The following HEY2 variants were observed in gnomAD, a reference collection of about 807,000 sequenced individuals.
The protein encoded by HEY2 is hes related family bHLH transcription factor with YRPW motif 2.
A neutral mutation model predicts 18.1 loss-of-function variants in HEY2; 10 were observed. That is an observed-to-expected ratio of 0.55 (90% confidence interval 0.34 to 0.94). The LOEUF is 0.94. HEY2 is among the 40% of genes least tolerant of loss of function. HEY2 has a pLI of 0.02. For missense variants in HEY2, 455 were observed against 455.9 expected (o/e 1.00, Z 0.02); for synonymous variants, 210 against 182.7 (o/e 1.15, Z -1.21).
intron 1 of HEY2, among the ~76,000 whole-genome samples, chr6:125,751,225 AT>A (rs1399293264): frequency 1.3e-5 from 2 of 152,244 alleles, no homozygotes; most frequent in Non-Finnish European, 2.9e-5. Flanking sequence ...GAAGATTAGT[AT>A]GCAAAACATC....
intron 4 of HEY2, among the ~76,000 whole-genome samples, chr6:125,757,200 C>T (rs923201672): frequency 4.6e-5 from 7 of 152,196 alleles, no homozygotes; most frequent in African/African-American, 1.7e-4. Flanking sequence ...TTTCTGGACT[C>T]TGTCTATTCT....
intron 3 of HEY2, among the ~76,000 whole-genome samples, chr6:125,752,376 A>G (rs1379785997): frequency 6.6e-6 from 1 of 151,304 alleles, no homozygotes; most frequent in Non-Finnish European, 1.5e-5. Context: ...TGTTCTTTCT[A>G]TGAATACCAG....
chr6:125,758,925 T>C (rs1002270450), intron 4 of HEY2, among the ~76,000 whole-genome samples, 192 bp from the exon 5 acceptor site: 1 of 152,226 alleles, frequency 6.6e-6, no homozygotes, highest in Non-Finnish European at 1.5e-5. Context: ...AAGTATACTT[T>C]CTTAACTTCT....
chr6:125,755,805 C>G (rs1319720420), intron 4 of HEY2, among the ~76,000 whole-genome samples: 1 of 152,170 alleles, frequency 6.6e-6, no homozygotes, highest in Non-Finnish European at 1.5e-5. Context: ...ATCACAGAAG[C>G]CAATGATCCA....
chr6:125,759,506 A>G lies in HEY2; in HGVS notation c.718A>G (p.Met240Val), dbSNP rs1222031723. The G allele has an allele frequency of 1.2e-6, 2 of 1,611,036 alleles. No homozygotes were observed. Among genetic ancestry groups the G allele is most frequent in the African/African-American group, 2.7e-5 (2 of 74,874 alleles). ...TGCCCATGCGGATTCAGCCCTCCGAATGCCATCCACGGGCAGCGTCGCCCC... is the reference window on the plus strand; with the variant it reads ...TGCCCATGCGGATTCAGCCCTCCGAGTGCCATCCACGGGCAGCGTCGCCCC... ...TFAHADSALR[M>V]PSTGSVAPCV... Residue 240 changes from methionine to valine, a missense_variant, in exon 5 of 5, where the codon ATG (methionine) becomes GTG (valine). By Grantham distance (21) the Met-to-Val change is conservative. Transcript: ENST00000368364.
chr6:125,749,822 G>GA lies in HEY2; in HGVS notation c.47dup (p.Thr17AspfsTer16). ...GACGACCTCCGAGAGCGACATGGACGAGACCATCGACGTGGGGAGCGAGAA... is the reference window on the plus strand; with the variant it reads ...GACGACCTCCGAGAGCGACATGGACGAAGACCATCGACGTGGGGAGCGAGAA... On this transcript the variant is annotated frameshift_variant, in exon 1 of 5. Transcript: ENST00000368364. LOFTEE classifies it high-confidence loss of function. 6.3e-7 allele frequency: 1 copy of GA among 1,586,280 alleles called. No individual in the cohort carries two copies. The highest frequency in any genetic ancestry group is 8.6e-7 in the Non-Finnish European group (1 of 1,166,848).
chr6:125,753,546 T>TAA (rs1225550564), intron 3 of HEY2, among the ~76,000 whole-genome samples: 2 of 152,000 alleles, frequency 1.3e-5, no homozygotes, highest in East Asian at 3.9e-4. Flanking sequence ...GGACCTGAAA[T>TAA]AAACCTTAGT....
chr6:125,751,172 G>A (rs371681530), intron 1 of HEY2, among the ~76,000 whole-genome samples: 180 of 152,254 alleles, frequency 1.2e-3, no homozygotes, highest in African/African-American at 4.3e-3. Flanking sequence ...AATAAAATGA[G>A]TTTTAATTTT....
intron 1 of HEY2, 97 bp downstream of exon 1, chr6:125,749,956 A>G: frequency 9.6e-7 from 1 of 1,039,194 alleles, no homozygotes; most frequent in East Asian, 2.6e-5. Flanking sequence ...TGGTCTCCGC[A>G]GCATCTAGGT....
chr6:125,752,112 A>AAAACC, intron 3 of HEY2, 22 bp downstream of exon 3: 1 of 1,488,872 alleles, frequency 6.7e-7, no homozygotes, highest in South Asian at 1.2e-5. Flanking sequence ...CCTCCCCAGA[A>AAAACC]TCCCCCCACC....
chr6:125,754,581 CT>C, intron 4 of HEY2, 35 bp downstream of exon 4: 19 of 1,022,880 alleles, frequency 1.9e-5, no homozygotes, highest in South Asian at 3.3e-5. Flanking sequence ...TTTTTTTTGC[CT>C]TTTTTACCTT....
rs377597491 is a variant in HEY2 at position 125,751,925 on chromosome 6, G to C, written c.162+46G>C. The C allele has an allele frequency of 1.5e-5, 24 of 1,568,904 alleles. No homozygotes were observed. In the African/African-American group the frequency reaches 3.1e-4, roughly 20 times the overall value. On this transcript the variant is annotated intron_variant, in intron 2 of 4. Coordinates refer to ENST00000368364, the MANE Select transcript of HEY2 (RefSeq NM_012259.3). ...TTTATTTCATGTAACTTATACTATT[G>C]TGTAACAGTTACATTTTTTCATTTG... is the stretch of plus-strand genomic sequence containing the variant.
At chr6:125,752,515 C>T (rs1363308384) in intron 3 of HEY2, among the ~76,000 whole-genome samples, 2 of 149,544 alleles carry the variant, frequency 1.3e-5, no homozygotes, top group East Asian at 4.0e-4. Context: ...CAAGAAGTAA[C>T]ATCTCTAGCT....
rs751416936 is a variant in HEY2 at position 125,759,499 on chromosome 6, C to T, written c.711C>T (p.Ala237=). The change falls in exon 5 of 5, where the codon GCC becomes GCT. Residue 237 remains alanine (A), a synonymous_variant. Transcript: ENST00000368364. ...CCACGTTTGCCCATGCGGATTCAGC[C>T]CTCCGAATGCCATCCACGGGCAGCG... ...LTATFAHADS[A]LRMPSTGSVA... 3.1e-6 allele frequency: 5 copies of T among 1,611,240 alleles called. No individual in the cohort carries two copies. In the East Asian group the frequency reaches 1.1e-4, roughly 36 times the overall value.
In HEY2 at chr6:125,759,232, G is replaced by A. The variant is rs766932885; in HGVS notation, c.444G>A (p.Pro148=). 1 of 1,611,728 alleles carries A rather than the reference G, an allele frequency of 6.2e-7. No individual in the cohort carries two copies. The highest frequency in any genetic ancestry group is 8.5e-7 in the Non-Finnish European group (1 of 1,180,006). Residue 148 remains proline, a synonymous_variant, in exon 5 of 5, where the codon CCG becomes CCA. Transcript: ENST00000368364. ...TGGAAGGCCTGGACTCCTCGGATCC[G>A]CTGCGGGTGCGGCTTGTGTCTCATC... ...SSVEGLDSSD[P]LRVRLVSHLS...
chr6:125,756,516 G>A (rs1303837292), intron 4 of HEY2, among the ~76,000 whole-genome samples: 2 of 152,004 alleles, frequency 1.3e-5, no homozygotes, highest in African/African-American at 2.4e-5. Context: ...GTGGTGAGCC[G>A]AGATCGCGCC....
chr6:125,749,787 C>G lies in HEY2; in HGVS notation c.11C>G (p.Pro4Arg). ...GCGGTCTTCGCCGGGATGAAGCGCC[C>G]CTGCGAGGAGACGACCTCCGAGAGC... MKR[P>R]CEETTSESDM... Residue 4 changes from proline (P) to arginine (R), a missense_variant, in exon 1 of 5, where the codon CCC becomes CGC. By Grantham distance (103) the Pro-to-Arg change is moderately radical (BLOSUM62 -2). Coordinates refer to ENST00000368364, the MANE Select transcript of HEY2 (RefSeq NM_012259.3). 1.3e-6 allele frequency: 2 copies of G among 1,576,750 alleles called. No homozygotes were observed. Among genetic ancestry groups the G allele is most frequent in the Non-Finnish European group, 1.7e-6 (2 of 1,162,350 alleles).
At chr6:125,752,138 C>G (rs1379667861) in intron 3 of HEY2, 48 bp downstream of exon 3, 1 of 1,085,766 alleles carries the variant, frequency 9.2e-7, no homozygotes, top group South Asian at 1.4e-5. Context: ...CGCCACCCCC[C>G]AAAAAAAAGC....
chr6:125,750,134 C>CA (rs1290059508), intron 1 of HEY2: 2 of 534,984 alleles, frequency 3.7e-6, no homozygotes, highest in African/African-American at 4.1e-5. Flanking sequence ...TCCTGGCTGT[C>CA]ACAGTTGGAC....
Sources: gnomAD v4.1 joint callset for allele counts (sites outside exome capture counted in the v4.1 genomes callset) on GRCh38, gnomAD v4.1.1 for gene constraint, MANE v1.5 for transcripts, NCBI Gene and HGNC (gene_info 2026-07-23, HGNC 2026-07-21) for gene names.